ACLY: variants seen among roughly 807,000 people sequenced by gnomAD.
ACLY encodes the protein ATP citrate lyase, also known as ATP-citrate synthase.
Under a neutral mutation model 133.0 loss-of-function variants are expected in ACLY, and 41 were observed. The observed-to-expected ratio is 0.31, with a 90% CI of 0.24 to 0.40. The LOEUF (loss-of-function observed/expected upper bound fraction) is 0.40, where lower values mean the gene tolerates loss of function less well. ACLY is among the 10% of genes least tolerant of loss of function. ACLY has a pLI of 1.00. For synonymous variants in ACLY, 495 were observed against 549.3 expected (o/e 0.90, Z 1.38); for missense variants, 1,046 against 1,453.8 (o/e 0.72, Z 4.56).
intron 25 of ACLY, 85 bp downstream of exon 25, chr17:41,871,604 C>T (rs915502561): frequency 6.5e-7 from 1 of 1,546,352 alleles, no homozygotes; most frequent in Non-Finnish European, 8.8e-7. Flanking sequence ...ATCCACCTGC[C>T]TTGGCCTCCC....
At chr17:41,916,913 G>C (rs1433208755) in intron 1 of ACLY, among the ~76,000 whole-genome samples, 1 of 151,892 alleles carries the variant, frequency 6.6e-6, no homozygotes, top group African/African-American at 2.4e-5. Flanking sequence ...GGGAGGCCAA[G>C]GAGGGCAAAT....
chr17:41,902,506 G>A (rs145863827), intron 10 of ACLY, among the ~76,000 whole-genome samples: 110 of 152,336 alleles, frequency 7.2e-4, no homozygotes, highest in African/African-American at 2.6e-3. Context: ...GAGCCACCGC[G>A]CCCAGCGCGG....
chr17:41,907,690 T>A, intron 6 of ACLY, 118 bp from the exon 7 acceptor site: 1 of 1,147,944 alleles, frequency 8.7e-7, no homozygotes. Context: ...CAGAACTCTC[T>A]AAGCTCAGTA....
chr17:41,911,131 C>T (rs1291792722), intron 3 of ACLY, among the ~76,000 whole-genome samples: 7 of 152,220 alleles, frequency 4.6e-5, no homozygotes, highest in Non-Finnish European at 1.0e-4. Context: ...CTTCAAGGAT[C>T]CCGCTTTACC....
At position 41,906,662 on chromosome 17, in the gene ACLY, C is replaced by T; in HGVS notation, c.748-16G>A. ...TGTAGGCTTCCTGGGGACCAGACAG[C>T]AACAGGTAGGCCCTTGGGGTACCCC... On this transcript the variant is annotated splice_polypyrimidine_tract_variant and intron_variant, in intron 7 of 28. Coordinates refer to ENST00000352035, the MANE Select transcript of ACLY (RefSeq NM_001096.3). 6.2e-7 allele frequency: 1 copy of T among 1,610,798 alleles called. No individual in the cohort carries two copies. Among genetic ancestry groups the T allele is most frequent in the Non-Finnish European group, 8.5e-7 (1 of 1,176,936 alleles).
chr17:41,925,850 CT>C (rs113731595), intron 1 of ACLY, among the ~76,000 whole-genome samples: 194 of 145,074 alleles, frequency 1.3e-3, no homozygotes, highest in Admixed American at 1.5e-3. Flanking sequence ...CATAGGTGTA[CT>C]TTTTTTTTTT....
Position 41,898,688 on chromosome 17 carries a change from C to T in ACLY, c.1281G>A (p.Gln427=), listed in dbSNP as rs2049440657. ...TTGCAGTGTGGGCCGCTGTGGGTGG[C>T]TGGTTGGGGATGGGCCGGTGGCCCA... ...MALGHRPIPN[Q]PPTAAHTANF... is the part of the protein sequence containing the mutation. The change falls in exon 12 of 29, where the codon CAG becomes CAA. Residue 427 remains glutamine (Q), a synonymous_variant. Coordinates refer to ENST00000352035, the MANE Select transcript of ACLY (RefSeq NM_001096.3). 1 of 1,613,812 alleles carries T rather than the reference C, an allele frequency of 6.2e-7. No homozygotes were observed. Among genetic ancestry groups the T allele is most frequent in the Non-Finnish European group, 8.5e-7 (1 of 1,179,914 alleles).
At chr17:41,915,469 G>A (rs376528441) in intron 1 of ACLY, among the ~76,000 whole-genome samples, 12 of 152,254 alleles carry the variant, frequency 7.9e-5, no homozygotes, top group African/African-American at 2.6e-4. Context: ...GCTACATTGC[G>A]CCCCCTCCCA....
intron 3 of ACLY, among the ~76,000 whole-genome samples, chr17:41,911,058 T>C (rs975229326): frequency 6.6e-6 from 1 of 151,910 alleles, no homozygotes; most frequent in Non-Finnish European, 1.5e-5. Context: ...AATCCCACCA[T>C]CCTCTCTCCA....
chr17:41,909,692 C>T lies in ACLY; in HGVS notation c.354G>A (p.Glu118=). ...EPFVPHSQAE[E]FYVCIYATRE... is the part of the protein sequence containing the mutation. ...GGGTGGCATAGATGCAGACATAGAACTCCTCAGCCTTGCAGGTGAAGAGAC... is the reference window on the plus strand; with the variant it reads ...GGGTGGCATAGATGCAGACATAGAATTCCTCAGCCTTGCAGGTGAAGAGAC... Residue 118 remains glutamate, a synonymous_variant, in exon 5 of 29, where the codon GAG becomes GAA. Coordinates refer to ENST00000352035, the MANE Select transcript of ACLY (RefSeq NM_001096.3). 1 of 1,614,022 alleles carries T rather than the reference C, an allele frequency of 6.2e-7. No homozygotes were observed. Among genetic ancestry groups the T allele is most frequent in the Non-Finnish European group, 8.5e-7 (1 of 1,179,926 alleles).
intron 10 of ACLY, among the ~76,000 whole-genome samples, chr17:41,903,004 G>T (rs1428834587): frequency 1.3e-5 from 2 of 151,982 alleles, no homozygotes; most frequent in Non-Finnish European, 2.9e-5. Flanking sequence ...GCCCAGCCTT[G>T]TCTTGAACTT....
rs2144414554 is a variant in ACLY, at chr17:41,913,894, T to C, written c.-21A>G. 6.2e-7 allele frequency: 1 copy of C among 1,614,086 alleles called. No homozygotes were observed. The highest frequency in any genetic ancestry group is 1.1e-5 in the South Asian group (1 of 91,068). On this transcript the variant is annotated splice_region_variant and 5_prime_UTR_variant, in exon 2 of 29. Transcript: ENST00000352035. The stretch of plus-strand genomic sequence containing the variant: ...GACATGGCTGCAGAGAGACCTGCTC[T>C]ACCTGTCTGGGAGAGAGAAGCTGGT...
intron 20 of ACLY, among the ~76,000 whole-genome samples, chr17:41,880,442 G>A (rs565842270): frequency 6.6e-5 from 10 of 152,270 alleles, no homozygotes; most frequent in East Asian, 1.9e-4. Flanking sequence ...AATCTGCATC[G>A]GCAGATGGGT....
chr17:41,920,572 CAG>C (rs1258686413), upstream of ACLY, among the ~76,000 whole-genome samples: 1 of 117,944 alleles, frequency 8.5e-6, no homozygotes, highest in African/African-American at 3.3e-5. Context: ...ACCTGGGTGA[CAG>C]AGAAGGATTC....
At chr17:41,908,775 A>G (rs2049802829) in intron 6 of ACLY, among the ~76,000 whole-genome samples, 1 of 152,124 alleles carries the variant, frequency 6.6e-6, no homozygotes, top group Non-Finnish European at 1.5e-5. Context: ...AAGACCAAAG[A>G]GAGAGGTTGG....
At position 41,872,125 on chromosome 17, in the gene ACLY, G is replaced by A. The variant is rs912115789; in HGVS notation, c.2700C>T (p.His900=). ...TGTGGGCTCCAGAGACGGCTGGCCCGTGATCAGCTGTCACCATCAGACACA... is the reference window on the plus strand; with the variant it reads ...TGTGGGCTCCAGAGACGGCTGGCCCATGATCAGCTGTCACCATCAGACACA... ...IEMCLMVTAD[H]GPAVSGAHNT... The change falls in exon 24 of 29, where the codon CAC becomes CAT. Residue 900 remains histidine, a synonymous_variant. Transcript: ENST00000352035. 3.0e-5 allele frequency: 48 copies of A among 1,613,920 alleles called. No individual in the cohort carries two copies. Among genetic ancestry groups the A allele is most frequent in the African/African-American group, 5.3e-5 (4 of 74,912 alleles).
chr17:41,905,638 C>T lies in ACLY; in HGVS notation c.887G>A (p.Gly296Glu), dbSNP rs750779834. 6 of 1,614,174 alleles carry T rather than the reference C, an allele frequency of 3.7e-6. No individual in the cohort carries two copies. The highest frequency in any genetic ancestry group is 4.2e-6 in the Non-Finnish European group (5 of 1,180,028). Reference sequence around the variant, plus strand: ...ATAGTTTGCCAGCTCGTTGACACCCCCTAGATCACAGATGGTATCGCTGCC... The same window carrying T: ...ATAGTTTGCCAGCTCGTTGACACCCTCTAGATCACAGATGGTATCGCTGCC... ...VVYSDTICDL[G>E]GVNELANYGE... is the part of the protein sequence containing the mutation. The change falls in exon 9 of 29, where the codon GGG becomes GAG. Residue 296 changes from glycine (G) to glutamate (E), a missense_variant. By Grantham distance (98) the Gly-to-Glu change is moderately conservative. This residue lies in a region of ACLY where 575 missense variants were observed against 804.2 expected (regional missense o/e 0.71). Transcript: ENST00000352035.
intron 1 of ACLY, 59 bp downstream of exon 1, chr17:41,918,821 G>A (rs1598052599): frequency 1.6e-6 from 2 of 1,269,310 alleles, no homozygotes; most frequent in African/African-American, 1.6e-5. Context: ...GGGGGACGGA[G>A]GCAGGAAGCT....
At chr17:41,875,055 A>G (rs1169815163) in intron 22 of ACLY, among the ~76,000 whole-genome samples, 1 of 152,114 alleles carries the variant, frequency 6.6e-6, no homozygotes, top group Non-Finnish European at 1.5e-5. Context: ...AACCATAACA[A>G]TAACGTAATG....
Sources: allele counts gnomAD v4.1 joint callset (sites outside exome capture counted in the v4.1 genomes callset), GRCh38; gene constraint gnomAD v4.1.1; regional missense constraint gnomAD v4.1.1; transcripts MANE v1.5; gene names NCBI Gene and HGNC (gene_info 2026-07-23, HGNC 2026-07-21).